Variants in AGMO observed in about 807,000 individuals in gnomAD.
AGMO encodes the protein glyceryl-ether monooxygenase.
In AGMO, 75 loss-of-function variants were observed where a neutral mutation model predicts 60.2. The observed-to-expected ratio is 1.25, with a 90% CI of 1.03 to 1.51. The LOEUF is 1.51. Among genes scored for constraint, AGMO ranks in the 40% most tolerant of loss-of-function variants. AGMO has a pLI of 0.00. For missense variants in AGMO, 763 were observed against 525.5 expected, an observed-to-expected ratio of 1.45 and a Z score of -4.42; for synonymous variants, 261 against 177.1, an observed-to-expected ratio of 1.47 and a Z score of -3.76.
At chr7:15,547,655 G>A (rs183496820) in intron 2 of AGMO, among the ~76,000 whole-genome samples, 5 of 151,838 alleles carry the variant, frequency 3.3e-5, no homozygotes, top group African/African-American at 9.7e-5. Context: ...CACCTGGCTC[G>A]GAGGGTCCTA....
chr7:15,432,349 T>C (rs1398195890), intron 3 of AGMO, among the ~76,000 whole-genome samples: 3 of 115,730 alleles, frequency 2.6e-5, no homozygotes, highest in Non-Finnish European at 3.6e-5. Context: ...TATATATACA[T>C]ACATATATAT....
At chr7:15,144,178 T>G in the AGMO span, among the ~76,000 whole-genome samples, 14 of 152,278 alleles carry the variant, frequency 9.2e-5, no homozygotes, top group East Asian at 1.5e-3. Flanking sequence ...TTCTGTGGGT[T>G]TTTTTTCTTA....
chr7:15,249,243 T>C (rs1782857955), intron 12 of AGMO, among the ~76,000 whole-genome samples: 1 of 152,202 alleles, frequency 6.6e-6, no homozygotes, highest in Non-Finnish European at 1.5e-5. Context: ...AAGGATAGAA[T>C]ATTAGTGATG....
intron 3 of AGMO, among the ~76,000 whole-genome samples, chr7:15,516,390 G>A (rs1686845614): frequency 6.6e-6 from 1 of 152,066 alleles, no homozygotes; most frequent in Non-Finnish European, 1.5e-5. Flanking sequence ...AAATGATACA[G>A]CAAGTTTTAT....
chr7:15,361,627 A>AAG (rs201695068), intron 12 of AGMO, among the ~76,000 whole-genome samples: 1 of 151,978 alleles, frequency 6.6e-6, no homozygotes, highest in East Asian at 1.9e-4. Context: ...AAAAAAAAGA[A>AAG]AGAGAGAGAG....
chr7:15,352,980 T>C (rs1335311840), intron 12 of AGMO, among the ~76,000 whole-genome samples: 1 of 152,068 alleles, frequency 6.6e-6, no homozygotes, highest in African/African-American at 2.4e-5. Context: ...ATGGGGAGTG[T>C]CGGATGCGCA....
chr7:15,528,801 A>G (rs1252418503), intron 3 of AGMO, among the ~76,000 whole-genome samples: 1 of 152,104 alleles, frequency 6.6e-6, no homozygotes, highest in South Asian at 2.1e-4. Flanking sequence ...GGCATGCGCC[A>G]CCACACCCGG....
At chr7:15,350,625 TAAA>T (rs1393615420) in intron 12 of AGMO, among the ~76,000 whole-genome samples, 4 of 152,096 alleles carry the variant, frequency 2.6e-5, no homozygotes, top group African/African-American at 9.7e-5. Flanking sequence ...ATGGGTTCAA[TAAA>T]AAAGAGCTGG....
intron 12 of AGMO, among the ~76,000 whole-genome samples, chr7:15,315,114 T>G (rs1296734426): frequency 6.6e-6 from 1 of 152,062 alleles, no homozygotes; most frequent in African/African-American, 2.4e-5. Context: ...GATTTTGCCC[T>G]TGTGAAACCT....
intron 12 of AGMO, among the ~76,000 whole-genome samples, chr7:15,319,608 A>G (rs1476932959): frequency 6.6e-6 from 1 of 152,166 alleles, no homozygotes; most frequent in East Asian, 1.9e-4. Flanking sequence ...ATTGGGGGAA[A>G]GTGACGTTTT....
chr7:15,130,119 T>C, the AGMO span, among the ~76,000 whole-genome samples: 40 of 152,118 alleles, frequency 2.6e-4, no homozygotes, highest in Admixed American at 2.0e-4. Flanking sequence ...ACTAGAAATA[T>C]AGTTTTATTT....
At chr7:15,461,656 T>G (rs1197599970) in intron 3 of AGMO, among the ~76,000 whole-genome samples, 2 of 152,048 alleles carry the variant, frequency 1.3e-5, no homozygotes, top group Non-Finnish European at 2.9e-5. Flanking sequence ...CTTTTGGTAT[T>G]TGTTGATCAG....
At chr7:15,226,524 G>A (rs1324965701) in intron 12 of AGMO, among the ~76,000 whole-genome samples, 6 of 152,024 alleles carry the variant, frequency 3.9e-5, no homozygotes, top group Non-Finnish European at 8.8e-5. Flanking sequence ...TGATTTTCCA[G>A]TCCATGACTA....
chr7:15,148,217 G>A, the AGMO span, among the ~76,000 whole-genome samples: 1 of 151,244 alleles, frequency 6.6e-6, no homozygotes, highest in Non-Finnish European at 1.5e-5. Context: ...TTTCTGTTAG[G>A]GTAGATTTGT....
At chr7:15,326,719 CA>C (rs1563089199) in intron 12 of AGMO, among the ~76,000 whole-genome samples, 1 of 152,122 alleles carries the variant, frequency 6.6e-6, no homozygotes, top group African/African-American at 2.4e-5. Flanking sequence ...ATATAAGCTT[CA>C]AAAATACAAA....
At chr7:15,499,469 G>A (rs116833118) in intron 3 of AGMO, among the ~76,000 whole-genome samples, 2 of 151,744 alleles carry the variant, frequency 1.3e-5, no homozygotes, top group African/African-American at 4.8e-5. Flanking sequence ...TATCAGGCTG[G>A]CAAATATCTA....
intron 10 of AGMO, among the ~76,000 whole-genome samples, chr7:15,375,003 C>G (rs988255575): frequency 2.0e-5 from 3 of 151,696 alleles, no homozygotes; most frequent in African/African-American, 2.4e-5. Context: ...TCCTACCAGA[C>G]AGACTGGAAA....
At chr7:15,337,927 G>C (rs116827274) in intron 12 of AGMO, among the ~76,000 whole-genome samples, 3 of 152,290 alleles carry the variant, frequency 2.0e-5, no homozygotes, top group Non-Finnish European at 2.9e-5. Context: ...TGAGGAAAGC[G>C]ATGAAAATCT....
chr7:15,437,709 T>C (rs996445051), intron 3 of AGMO, among the ~76,000 whole-genome samples: 2 of 151,924 alleles, frequency 1.3e-5, no homozygotes, highest in African/African-American at 4.8e-5. Flanking sequence ...TAATTTTTTG[T>C]TTTTGTATTT....
Sources: gnomAD v4.1 joint callset for allele counts (sites outside exome capture counted in the v4.1 genomes callset) on GRCh38, gnomAD v4.1.1 for gene constraint, MANE v1.5 for transcripts, NCBI Gene and HGNC (gene_info 2026-07-23, HGNC 2026-07-21) for gene names.